Variants in PRKDC observed in about 807,000 individuals in gnomAD.
The protein encoded by PRKDC is DNA-dependent protein kinase catalytic subunit.
PRKDC carries 82 observed loss-of-function variants against 486.9 expected under a neutral mutation model. The ratio of observed to expected loss-of-function variants is 0.17; its 90% confidence interval spans 0.14 to 0.20. The LOEUF (loss-of-function observed/expected upper bound fraction) is 0.20. Among genes scored for constraint, PRKDC ranks in the 10% least tolerant of loss-of-function variants. PRKDC has a pLI of 1.00. For missense variants in PRKDC, 4,504 were observed against 5,038.2 expected, an observed-to-expected ratio of 0.89 and a Z score of 3.21; for synonymous variants, 1,895 against 1,837.0, an observed-to-expected ratio of 1.03 and a Z score of -0.81.
intron 64 of PRKDC, among the ~76,000 whole-genome samples, chr8:47,822,682 C>T (rs529901697): frequency 2.6e-5 from 4 of 151,808 alleles, no homozygotes; most frequent in Admixed American, 6.6e-5. Context: ...CCCAGCTACT[C>T]GGGAGGCTGA....
chr8:47,939,802 T>C, intron 10 of PRKDC, 105 bp from the exon 11 acceptor site: 5 of 1,002,638 alleles, frequency 5.0e-6, no homozygotes, highest in Non-Finnish European at 7.0e-6. Context: ...TGTACTGTTA[T>C]AGTTACACGC....
intron 4 of PRKDC, among the ~76,000 whole-genome samples, chr8:47,954,817 A>C (rs1308359574): frequency 1.3e-5 from 2 of 152,146 alleles, no homozygotes; most frequent in African/African-American, 4.8e-5. Flanking sequence ...TACAAAAAAA[A>C]CAGAAACAGG....
intron 68 of PRKDC, among the ~76,000 whole-genome samples, chr8:47,816,296 C>T (rs923694692): frequency 1.3e-5 from 2 of 152,242 alleles, no homozygotes; most frequent in African/African-American, 2.4e-5. Flanking sequence ...TGGCCAGAGA[C>T]AGATCACCTG....
intron 11 of PRKDC, among the ~76,000 whole-genome samples, chr8:47,938,469 T>C (rs769291155): frequency 2.0e-5 from 3 of 151,128 alleles, no homozygotes; most frequent in Non-Finnish European, 3.0e-5. Flanking sequence ...GGAGAGATTG[T>C]AGGAAGAAAA....
rs112004714 is a variant in PRKDC at position 47,911,776 on chromosome 8, A to AT, written c.2934+633dup. Among the ~76,000 whole-genome samples, 904 of 146,970 alleles carry AT rather than the reference A, an allele frequency of 6.2e-3. 6 individuals carry two copies. Among genetic ancestry groups the AT allele is most frequent in the South Asian group, 0.053 (248 of 4,640 alleles). On this transcript the variant is annotated intron_variant, in intron 25 of 85. Coordinates refer to ENST00000314191, the MANE Select transcript of PRKDC (RefSeq NM_006904.7). ...ATAGCTATTTTTTATTTATTTATTT[A>AT]TTTTTTTTTTTGAGAATGAGTCTCA... is the stretch of plus-strand genomic sequence containing the variant.
chr8:47,853,382 G>A (rs746239213), intron 51 of PRKDC, among the ~76,000 whole-genome samples: 1 of 152,226 alleles, frequency 6.6e-6, no homozygotes, highest in Non-Finnish European at 1.5e-5. Flanking sequence ...GACGGTGCTG[G>A]GGGGCCAACA....
At position 47,869,958 on chromosome 8, in the gene PRKDC, G is replaced by A. The variant is rs1015240446; in HGVS notation, c.5364-5195C>T. On this transcript the variant is annotated intron_variant, in intron 40 of 85. Coordinates refer to ENST00000314191, the MANE Select transcript of PRKDC (RefSeq NM_006904.7). ...GCAGAGACTTCTTTATTTTAGGAAAGGAGAGGGAAGAATGAAAAGGACTTT... is the reference window on the plus strand; with the variant it reads ...GCAGAGACTTCTTTATTTTAGGAAAAGAGAGGGAAGAATGAAAAGGACTTT... 1.4e-4 allele frequency among the ~76,000 whole-genome samples: 22 copies of A among 152,268 alleles called. No individual in the cohort carries two copies. The East Asian group carries it at 4.1e-3, about 28-fold the overall frequency.
At chr8:47,918,448 G>T in intron 21 of PRKDC, 65 bp from the exon 22 acceptor site, 3 of 879,016 alleles carry the variant, frequency 3.4e-6, no homozygotes, top group Non-Finnish European at 3.2e-6. Context: ...GTACATTAGA[G>T]GCAACAAACT....
chr8:47,935,865 G>T lies in PRKDC; in HGVS notation c.1314C>A (p.Leu438=). ...PEVYTPVLEH[L]VVMQIDSFPQ... ...GGAAACTGTCTATCTGCATCACCAC[G>T]AGGTGCTCCAGAACTGGAGTATACA... The change falls in exon 13 of 86, where the codon CTC becomes CTA. Residue 438 remains leucine (L), a synonymous_variant. Transcript: ENST00000314191. 3.1e-6 allele frequency: 5 copies of T among 1,613,860 alleles called. No homozygotes were observed. The highest frequency in any genetic ancestry group is 4.2e-6 in the Non-Finnish European group (5 of 1,179,848).
At chr8:47,893,503 T>A in intron 30 of PRKDC, 116 bp from the exon 31 acceptor site, 1 of 1,079,114 alleles carries the variant, frequency 9.3e-7, no homozygotes, top group East Asian at 2.9e-5. Context: ...TACTACGCAT[T>A]CAACTTGTTT....
intron 51 of PRKDC, among the ~76,000 whole-genome samples, chr8:47,853,253 G>A (rs2088454604): frequency 6.6e-6 from 1 of 152,210 alleles, no homozygotes; most frequent in Non-Finnish European, 1.5e-5. Context: ...TCCCAGTGTA[G>A]AAGCCAAAGC....
intron 11 of PRKDC, 35 bp from the exon 12 acceptor site, chr8:47,936,552 C>T: frequency 6.2e-7 from 1 of 1,607,512 alleles, no homozygotes; most frequent in South Asian, 1.1e-5. Flanking sequence ...CTTCATCAAT[C>T]TTATCAAGAT....
In PRKDC at chr8:47,807,188, C is replaced by A. The variant is rs751793819; in HGVS notation, c.9696G>T (p.Arg3232Ser). 6.2e-7 allele frequency: 1 copy of A among 1,613,786 alleles called. No homozygotes were observed. The highest frequency in any genetic ancestry group is 8.5e-7 in the Non-Finnish European group (1 of 1,179,850). Residue 3232 changes from arginine (R) to serine (S), a missense_variant, in exon 69 of 86, where the codon AGG (arginine) becomes AGT (serine). This residue lies in a region of PRKDC where 1,592 missense variants were observed against 1,724.6 expected (regional missense o/e 0.92). Coordinates refer to ENST00000314191, the MANE Select transcript of PRKDC (RefSeq NM_006904.7). Reference sequence around the variant, plus strand: ...TCATTTTCATGGAAAACTTGCAACTCCTGATCAGGGAGCTGATATCTTCTT... The same window carrying A: ...TCATTTTCATGGAAAACTTGCAACTACTGATCAGGGAGCTGATATCTTCTT... ...EQEEDISSLI[R>S]SCKFSMKMKM...
chr8:47,829,006 C>G (rs538958659), intron 61 of PRKDC, among the ~76,000 whole-genome samples: 16 of 152,200 alleles, frequency 1.1e-4, no homozygotes, highest in Middle Eastern at 3.2e-3. Context: ...GCTGTGACAT[C>G]AGCGCCAACA....
chr8:47,927,156 T>C (rs1260445132), intron 21 of PRKDC, 38 bp downstream of exon 21: 3 of 1,589,058 alleles, frequency 1.9e-6, no homozygotes, highest in Non-Finnish European at 2.6e-6. Flanking sequence ...CATTTCCATT[T>C]TAATTACAAT....
chr8:47,816,757 AC>A (rs1161944925), intron 68 of PRKDC, among the ~76,000 whole-genome samples: 1 of 152,104 alleles, frequency 6.6e-6, no homozygotes, highest in African/African-American at 2.4e-5. Flanking sequence ...GGGTTAAAGA[AC>A]CCAGGAGAGT....
At chr8:47,872,817 C>G (rs2088987844) in intron 40 of PRKDC, among the ~76,000 whole-genome samples, 1 of 152,150 alleles carries the variant, frequency 6.6e-6, no homozygotes, top group Non-Finnish European at 1.5e-5. Flanking sequence ...AGGGGTGAGA[C>G]AGACCATAAT....
intron 76 of PRKDC, among the ~76,000 whole-genome samples, chr8:47,785,722 T>C (rs2086779933): frequency 1.3e-5 from 2 of 151,338 alleles, no homozygotes; most frequent in African/African-American, 4.9e-5. Context: ...GGTATCCGAG[T>C]GAGACCGTGT....
At position 47,935,140 on chromosome 8, in the gene PRKDC, T is replaced by C; in HGVS notation, c.1448-82A>G. On this transcript the variant is annotated intron_variant, in intron 13 of 85. Coordinates refer to ENST00000314191, the MANE Select transcript of PRKDC (RefSeq NM_006904.7). ...CTCACAAAAAAAAACAAACAGTCAT[T>C]ATATTTTGGAACCCAACTTTACCTC... 3.9e-6 allele frequency: 4 copies of C among 1,016,432 alleles called. No individual in the cohort carries two copies. In the South Asian group the frequency reaches 6.5e-5, roughly 17 times the overall value. 63.0% of individuals were successfully genotyped at this position (1,016,432 alleles called of 1,614,324 possible). A position where few individuals can be genotyped will look rare whatever the true frequency, so the allele number is the denominator to read the frequency against.
Sources: allele counts gnomAD v4.1 joint callset (sites outside exome capture counted in the v4.1 genomes callset), GRCh38; gene constraint gnomAD v4.1.1; regional missense constraint gnomAD v4.1.1; transcripts MANE v1.5; gene names NCBI Gene and HGNC (gene_info 2026-07-23, HGNC 2026-07-21).